Variants in ANO1 observed in about 807,000 individuals in gnomAD.
ANO1 encodes the protein anoctamin 1, also known as anoctamin-1.
In ANO1, 59 loss-of-function variants were observed where a neutral mutation model predicts 124.0. That is an observed-to-expected ratio of 0.48 (90% CI 0.39 to 0.59). ANO1 has a LOEUF of 0.59. Ranked by LOEUF, ANO1 falls within the 20% of genes least tolerant of loss-of-function variation. The probability of loss-of-function intolerance (pLI) is 0.00; values close to 1 mark genes in which losing one functional copy is unlikely to be tolerated. For synonymous variants in ANO1, 529 were observed against 532.0 expected, an observed-to-expected ratio of 0.99 and a Z score of 0.08; for missense variants, 1,059 against 1,328.0, an observed-to-expected ratio of 0.80 and a Z score of 3.15.
chr11:70,117,670 T>C (rs1400428282), intron 8 of ANO1, among the ~76,000 whole-genome samples: 1 of 152,200 alleles, frequency 6.6e-6, no homozygotes, highest in Non-Finnish European at 1.5e-5. Flanking sequence ...TCCTGGACCC[T>C]GCATGTGCAG....
At chr11:70,081,526 G>A (rs927558089) in intron 1 of ANO1, among the ~76,000 whole-genome samples, 1 of 152,182 alleles carries the variant, frequency 6.6e-6, no homozygotes, top group Admixed American at 6.5e-5. Flanking sequence ...AATTTGAAGA[G>A]TCTCAAAACC....
chr11:70,060,171 G>A (rs1857541730), intron 1 of ANO1, among the ~76,000 whole-genome samples: 1 of 152,088 alleles, frequency 6.6e-6, no homozygotes. Context: ...TGGTTATGGA[G>A]GAAGTGGAAA....
the ANO1 span, among the ~76,000 whole-genome samples, chr11:69,979,466 T>C: frequency 6.6e-6 from 1 of 152,186 alleles, no homozygotes; most frequent in Non-Finnish European, 1.5e-5. Flanking sequence ...TCTGCGTCAG[T>C]TTCCTGAGCT....
At chr11:70,071,790 AT>A (rs1347975766) in intron 1 of ANO1, among the ~76,000 whole-genome samples, 5 of 148,956 alleles carry the variant, frequency 3.4e-5, no homozygotes, top group South Asian at 2.2e-4. Context: ...TGCCTGGCTA[AT>A]TTTTTTTTTC....
rs745314848 is a variant in ANO1 at position 70,155,976 on chromosome 11, G to A, written c.1491G>A (p.Ala497=). Residue 497 remains alanine, a synonymous_variant, in exon 15 of 26, where the codon GCG becomes GCA. Transcript: ENST00000355303. The part of the protein sequence containing the change: ...KWKQRVKTAM[A]GVKLTDKVKL... ...AGCAGAGGGTTAAGACAGCCATGGC[G>A]GGGGTGAAATTGGTACTTTTCTATT... 51 of 1,526,022 alleles carry A rather than the reference G, an allele frequency of 3.3e-5. No individual in the cohort carries two copies. Among genetic ancestry groups the A allele is most frequent in the Admixed American group, 4.5e-5 (2 of 44,156 alleles). The allele number at this position is 1,526,022 out of a possible 1,614,324, so 94.5% of individuals were successfully genotyped here.
At chr11:70,182,816 G>T in intron 24 of ANO1, 130 bp downstream of exon 24, 3 of 704,048 alleles carry the variant, frequency 4.3e-6, no homozygotes, top group Non-Finnish European at 2.0e-6. Flanking sequence ...GAAGAAGAAG[G>T]AAAAAAAAAA....
chr11:70,157,093 G>T, intron 16 of ANO1, 72 bp downstream of exon 16: 1 of 1,416,996 alleles, frequency 7.1e-7, no homozygotes, highest in East Asian at 2.4e-5. Context: ...TCAGCCGGGC[G>T]TGGTGGTTCA....
chr11:70,181,819 C>T (rs577994344), intron 23 of ANO1, among the ~76,000 whole-genome samples: 1 of 152,140 alleles, frequency 6.6e-6, no homozygotes, highest in East Asian at 1.9e-4. Context: ...ATTCACGAGG[C>T]ACCTAGAATG....
intron 1 of ANO1, among the ~76,000 whole-genome samples, chr11:70,057,980 G>A (rs528960029): frequency 1.3e-5 from 2 of 152,326 alleles, no homozygotes; most frequent in East Asian, 3.9e-4. Flanking sequence ...GTTTCTCAGG[G>A]CTGCTTTGAG....
intron 6 of ANO1, among the ~76,000 whole-genome samples, chr11:70,110,746 G>C (rs2045744221): frequency 6.6e-6 from 1 of 152,186 alleles, no homozygotes; most frequent in Non-Finnish European, 1.5e-5. Flanking sequence ...GCCAAGCAGG[G>C]GGTTCCATGA....
At chr11:69,981,161 G>A (rs1855956766), upstream of ANO1, among the ~76,000 whole-genome samples, 1 of 152,220 alleles carries the variant, frequency 6.6e-6, no homozygotes, top group Non-Finnish European at 1.5e-5. Context: ...CTCAAACCAG[G>A]GACATGGAGC....
chr11:70,016,152 T>A (rs1856700011), intron 1 of ANO1, among the ~76,000 whole-genome samples: 1 of 152,040 alleles, frequency 6.6e-6, no homozygotes, highest in African/African-American at 2.4e-5. Flanking sequence ...TTCGGCCTCC[T>A]AAGTAGCTGG....
intron 1 of ANO1, among the ~76,000 whole-genome samples, chr11:70,051,396 T>C (rs1177496098): frequency 6.6e-6 from 1 of 152,242 alleles, no homozygotes; most frequent in Non-Finnish European, 1.5e-5. Context: ...TGGACTCCTA[T>C]GTAACAGTGA....
chr11:70,023,641 C>T (rs547480110), intron 1 of ANO1, among the ~76,000 whole-genome samples: 1 of 152,218 alleles, frequency 6.6e-6, no homozygotes. Context: ...TAGCCTCATG[C>T]TCACACTGCA....
At chr11:70,104,407 A>G (rs2045406984) in intron 4 of ANO1, among the ~76,000 whole-genome samples, 1 of 152,094 alleles carries the variant, frequency 6.6e-6, no homozygotes, top group Admixed American at 6.5e-5. Context: ...GAGGACCCCA[A>G]AGCAGTGGTC....
At chr11:70,112,841 G>A (rs918271521) in intron 7 of ANO1, among the ~76,000 whole-genome samples, 9 of 152,186 alleles carry the variant, frequency 5.9e-5, no homozygotes, top group East Asian at 1.9e-4. Flanking sequence ...TTACAGGCGT[G>A]AGCCACCGTG....
chr11:70,173,598 G>A (rs1031940127), intron 22 of ANO1, among the ~76,000 whole-genome samples: 1 of 152,212 alleles, frequency 6.6e-6, no homozygotes. Context: ...CTGATTTGCT[G>A]GTGCTCTAGG....
intron 1 of ANO1, among the ~76,000 whole-genome samples, chr11:70,000,089 A>C (rs1856352359): frequency 6.6e-6 from 1 of 152,222 alleles, no homozygotes; most frequent in Admixed American, 6.5e-5. Flanking sequence ...TCCCATAAGA[A>C]AACCTTTGTA....
intron 24 of ANO1, among the ~76,000 whole-genome samples, chr11:70,185,384 G>A (rs376495571): frequency 3.9e-5 from 6 of 152,268 alleles, no homozygotes; most frequent in Admixed American, 2.6e-4. Flanking sequence ...CTGGCCCATG[G>A]GGGATCCTGA....
Sources: allele counts gnomAD v4.1 joint callset (sites outside exome capture counted in the v4.1 genomes callset), GRCh38; gene constraint gnomAD v4.1.1; transcripts MANE v1.5; gene names NCBI Gene and HGNC (gene_info 2026-07-23, HGNC 2026-07-21).